DST: variants seen among roughly 807,000 people sequenced by gnomAD.
DST encodes the protein bullous pemphigoid antigen.
DST carries 253 observed loss-of-function variants against 875.2 expected under a neutral mutation model. The observed-to-expected ratio is 0.29, with a 90% CI of 0.26 to 0.32. The LOEUF is 0.32. DST is among the 10% of genes least tolerant of loss of function. The probability of loss-of-function intolerance (pLI) is 1.00; values close to 1 mark genes in which losing one functional copy is unlikely to be tolerated. For synonymous variants in DST, 3,124 were observed against 3,197.1 expected (o/e 0.98, Z 0.77); for missense variants, 8,287 against 9,111.6 (o/e 0.91, Z 3.68).
At chr6:56,715,748 A>G (rs899708300) in intron 5 of DST, among the ~76,000 whole-genome samples, 29 of 152,198 alleles carry the variant, frequency 1.9e-4, no homozygotes, top group African/African-American at 6.5e-4. Context: ...CTTTATCTGA[A>G]TAATAAGACA....
At chr6:56,832,237 C>G (rs928811895) in intron 4 of DST, among the ~76,000 whole-genome samples, 1 of 152,146 alleles carries the variant, frequency 6.6e-6, no homozygotes, top group Non-Finnish European at 1.5e-5. Flanking sequence ...CAAATCCCAT[C>G]CTGAATTTCC....
chr6:56,686,402 T>C (rs1307048688), intron 9 of DST, among the ~76,000 whole-genome samples: 1 of 152,226 alleles, frequency 6.6e-6, no homozygotes, highest in Non-Finnish European at 1.5e-5. Flanking sequence ...AATATACCCA[T>C]GTAGCAAACC....
chr6:56,946,426 C>T (rs1016251612), intron 2 of DST, among the ~76,000 whole-genome samples: 1 of 152,070 alleles, frequency 6.6e-6, no homozygotes, highest in Non-Finnish European at 1.5e-5. Context: ...CTTTTCTTGT[C>T]AAGAGAAGAG....
intron 64 of DST, among the ~76,000 whole-genome samples, chr6:56,532,047 A>G (rs906692298): frequency 1.3e-5 from 2 of 152,114 alleles, no homozygotes; most frequent in African/African-American, 4.8e-5. Flanking sequence ...CACCCCTATA[A>G]CACAAGACCT....
intron 48 of DST, among the ~76,000 whole-genome samples, chr6:56,592,596 T>C (rs951725239): frequency 3.9e-5 from 6 of 152,146 alleles, no homozygotes; most frequent in Non-Finnish European, 8.8e-5. Context: ...TTCAAAAACA[T>C]ATTTACAAGA....
intron 4 of DST, among the ~76,000 whole-genome samples, chr6:56,751,638 A>T (rs369293552): frequency 6.6e-6 from 1 of 152,214 alleles, no homozygotes; most frequent in African/African-American, 2.4e-5. Flanking sequence ...AGAGATAATA[A>T]GCCACTGGGT....
At chr6:56,954,341 C>T (rs1824139141) in intron 1 of DST, 66 bp downstream of exon 1, 1 of 1,225,738 alleles carries the variant, frequency 8.2e-7, no homozygotes, top group African/African-American at 1.6e-5. Context: ...GCGAGCCGCG[C>T]TTCACTCTCC....
intron 91 of DST, among the ~76,000 whole-genome samples, chr6:56,476,732 G>A (rs376333126): frequency 8.5e-5 from 13 of 152,208 alleles, no homozygotes; most frequent in African/African-American, 2.6e-4. Flanking sequence ...CGAGGTGGGC[G>A]GATCACGAGG....
intron 9 of DST, among the ~76,000 whole-genome samples, chr6:56,695,643 G>C (rs2099259372): frequency 6.6e-6 from 1 of 152,026 alleles, no homozygotes; most frequent in Admixed American, 6.5e-5. Flanking sequence ...CTATGTTATA[G>C]TTAATTTCAT....
At chr6:56,950,503 A>G in intron 2 of DST, among the ~76,000 whole-genome samples, 1 of 152,188 alleles carries the variant, frequency 6.6e-6, no homozygotes, top group African/African-American at 2.4e-5. Flanking sequence ...GTAACAGTTT[A>G]CCATTATTTA....
At position 56,867,810 on chromosome 6, in the gene DST, C is replaced by T. The variant is rs143422376; in HGVS notation, c.418-16206G>A. On this transcript the variant is annotated intron_variant, in intron 3 of 103. Coordinates refer to ENST00000680361, the MANE Select transcript of DST (RefSeq NM_001374736.1). ...ACCGCGCCACTGCACTCCAGTCTGG[C>T]GACAGAGCGAGACTCCGTCTCAAAA... 5.8e-3 allele frequency among the ~76,000 whole-genome samples: 876 copies of T among 150,818 alleles called. 6 individuals are homozygous for T. The highest frequency in any genetic ancestry group is 7.0e-3 in the Non-Finnish European group (478 of 67,824).
At chr6:56,784,024 C>A (rs1564161244) in intron 4 of DST, among the ~76,000 whole-genome samples, 1 of 152,076 alleles carries the variant, frequency 6.6e-6, no homozygotes, top group Admixed American at 6.5e-5. Flanking sequence ...GTTGAAAATT[C>A]TTTTCTTTAA....
At chr6:56,790,862 G>T (rs1472724269) in intron 4 of DST, among the ~76,000 whole-genome samples, 1 of 152,284 alleles carries the variant, frequency 6.6e-6, no homozygotes, top group Non-Finnish European at 1.5e-5. Flanking sequence ...TTGAACAAAA[G>T]AAGTCCCCAT....
chr6:56,806,536 T>C (rs993378969), intron 4 of DST, among the ~76,000 whole-genome samples: 4 of 152,112 alleles, frequency 2.6e-5, no homozygotes, highest in African/African-American at 9.7e-5. Flanking sequence ...AATGGTAGTG[T>C]GGAGTAGAGA....
chr6:56,603,986 T>C lies in DST; in HGVS notation c.10642A>G (p.Lys3548Glu). ...GTAGAGCTTTCTAGTCCAATTTCTT[T>C]TACAGTTTCTAAATTAGGAGAATAG... ...NYYSPNLETVKEIGLESSTVW... is the reference protein window; with the variant it reads ...NYYSPNLETVEEIGLESSTVW... Residue 3548 changes from lysine to glutamate, a missense_variant, in exon 40 of 104, where the codon AAA becomes GAA. This residue lies in a region of DST where 3,138 missense variants were observed against 3,116.6 expected (regional missense o/e 1.01). Transcript: ENST00000680361. The C allele has an allele frequency of 6.2e-7, 1 of 1,608,676 alleles. No homozygotes were observed. Among genetic ancestry groups the C allele is most frequent in the Non-Finnish European group, 8.5e-7 (1 of 1,176,984 alleles).
In DST at chr6:56,470,231, C is replaced by T; in HGVS notation, c.22373G>A (p.Arg7458Lys). 1.9e-6 allele frequency: 3 copies of T among 1,611,294 alleles called. No individual in the cohort carries two copies. The highest frequency in any genetic ancestry group is 1.7e-6 in the Non-Finnish European group (2 of 1,178,568). The change falls in exon 96 of 104, where the codon AGA becomes AAA. Residue 7458 changes from arginine to lysine, a missense_variant. Transcript: ENST00000680361. Reference sequence around the variant, plus strand: ...GTAGTCAATATATCCATCGCCATCTCTGTCAAAGATGTCTGCAACTGCGCT... The same window carrying T: ...GTAGTCAATATATCCATCGCCATCTTTGTCAAAGATGTCTGCAACTGCGCT... ...EMSAVADIFD[R>K]DGDGYIDYYE...
At chr6:56,764,304 C>A (rs2099626935) in intron 4 of DST, among the ~76,000 whole-genome samples, 1 of 152,204 alleles carries the variant, frequency 6.6e-6, no homozygotes, top group Non-Finnish European at 1.5e-5. Flanking sequence ...GTTTTCTCTT[C>A]AAACCACTGT....
intron 49 of DST, among the ~76,000 whole-genome samples, chr6:56,585,172 C>T (rs1328888789): frequency 5.3e-5 from 8 of 152,340 alleles, no homozygotes; most frequent in African/African-American, 1.2e-4. Flanking sequence ...AGGAATGGTA[C>T]CAGTTCCTCC....
chr6:56,712,437 C>A (rs188647920), intron 5 of DST, among the ~76,000 whole-genome samples: 10 of 152,188 alleles, frequency 6.6e-5, no homozygotes, highest in Non-Finnish European at 1.0e-4. Context: ...TATCACTTAA[C>A]GTGTCTAAGG....
Sources: allele counts gnomAD v4.1 joint callset (sites outside exome capture counted in the v4.1 genomes callset), GRCh38; gene constraint gnomAD v4.1.1; regional missense constraint gnomAD v4.1.1; transcripts MANE v1.5; gene names NCBI Gene and HGNC (gene_info 2026-07-23, HGNC 2026-07-21).